Variants in ARRDC4 observed in about 807,000 individuals in gnomAD.
The protein encoded by ARRDC4 is arrestin domain-containing protein 4.
ARRDC4 carries 40 observed loss-of-function variants against 44.6 expected under a neutral mutation model. That is an observed-to-expected ratio of 0.90 (90% CI 0.70 to 1.17). The LOEUF (loss-of-function observed/expected upper bound fraction) is 1.17. Ranked by LOEUF, ARRDC4 falls within the 50% of genes most tolerant of loss-of-function variation. The pLI is 0.00. For synonymous variants in ARRDC4, 211 were observed against 221.2 expected (o/e 0.95, Z 0.41); for missense variants, 550 against 559.1 (o/e 0.98, Z 0.16).
chr15:97,962,073 A>G (rs1899333276), intron 1 of ARRDC4, among the ~76,000 whole-genome samples: 1 of 152,200 alleles, frequency 6.6e-6, no homozygotes, highest in African/African-American at 2.4e-5. Context: ...TTAAACTTTT[A>G]CGTTTTTGCC....
rs954945510 is a variant in ARRDC4 at position 97,961,146 on chromosome 15, C to G, written c.285C>G (p.Leu95=). ...AGGTGGAGTACCTGAACGTGCGCCTCAGCCTGCGGGAGCCCCCGGCCGGTA... is the reference window on the plus strand; with the variant it reads ...AGGTGGAGTACCTGAACGTGCGCCTGAGCCTGCGGGAGCCCCCGGCCGGTA... ...FSEVEYLNVR[L]SLREPPAGEG... Residue 95 remains leucine (L), a synonymous_variant, in exon 1 of 8, where the codon CTC becomes CTG. Transcript: ENST00000268042. 6.9e-7 allele frequency: 1 copy of G among 1,448,506 alleles called. No individual in the cohort carries two copies. 89.7% of individuals were successfully genotyped at this position (1,448,506 alleles called of 1,614,324 possible). A position where few individuals can be genotyped will look rare whatever the true frequency, so the allele number is the denominator to read the frequency against.
At position 97,965,672 on chromosome 15, in the gene ARRDC4, T is replaced by A; in HGVS notation, c.374+6T>A. 6.2e-7 allele frequency: 1 copy of A among 1,611,800 alleles called. No homozygotes were observed. ...CGCTTTCAACTTCCATCTGAGTAAG[T>A]GAAACACTACAATTTTGTGGTTATC... On this transcript the variant is annotated splice_donor_region_variant and intron_variant, in intron 2 of 7. Coordinates refer to ENST00000268042, the MANE Select transcript of ARRDC4 (RefSeq NM_183376.3). The surrounding 1 kb of genome is among the most constrained non-coding windows in gnomAD (Gnocchi z 5.1).
chr15:97,965,723 T>C lies in ARRDC4; in HGVS notation c.374+57T>C. 1.3e-6 allele frequency: 2 copies of C among 1,530,024 alleles called. No homozygotes were observed. The highest frequency in any genetic ancestry group is 1.8e-6 in the Non-Finnish European group (2 of 1,103,788). The allele number at this position is 1,530,024 out of a possible 1,614,324, so 94.8% of individuals were successfully genotyped here. A position where few individuals can be genotyped will look rare whatever the true frequency, so the allele number is the denominator to read the frequency against. Reference sequence around the variant, plus strand: ...CTTCTCTGCAGTATGTCCATTCAAGTTTATCACTGCTAGGTCTCTTCTGAT... The same window carrying C: ...CTTCTCTGCAGTATGTCCATTCAAGCTTATCACTGCTAGGTCTCTTCTGAT... On this transcript the variant is annotated intron_variant, in intron 2 of 7. Coordinates refer to ENST00000268042, the MANE Select transcript of ARRDC4 (RefSeq NM_183376.3). The surrounding 1 kb of genome is among the most constrained non-coding windows in gnomAD (Gnocchi z 5.1).
rs745421445 is a variant in ARRDC4, at chr15:97,970,688, CTG to C, written c.1149_1150del (p.Phe384CysfsTer18). 1.9e-6 allele frequency: 3 copies of C among 1,613,452 alleles called. No homozygotes were observed. The highest frequency in any genetic ancestry group is 2.5e-6 in the Non-Finnish European group (3 of 1,179,670). ...AACTGTGAGGGAGAAGTGTGCTGTC[CTG>C]TGTTTGCCTGTATACAAGAATTCCG... On this transcript the variant is annotated frameshift_variant, in exon 7 of 8. Coordinates refer to ENST00000268042, the MANE Select transcript of ARRDC4 (RefSeq NM_183376.3). LOFTEE classifies it high-confidence loss of function. This position sits in a 1 kb window ranked among gnomAD's most constrained non-coding sequence, Gnocchi z 4.2.
rs2141538668 is a variant in ARRDC4, at chr15:97,972,617, G to A, written c.*1430G>A. 1 of 152,620 alleles carries A rather than the reference G, an allele frequency of 6.6e-6. No individual in the cohort carries two copies. Among genetic ancestry groups the A allele is most frequent in the Middle Eastern group, 3.4e-3 (1 of 292 alleles). The allele number at this position is 152,620 out of a possible 1,614,324, so 9.5% of individuals were successfully genotyped here. A position where few individuals can be genotyped will look rare whatever the true frequency, so the allele number is the denominator to read the frequency against. ...ATGGAAGGGAGCCAGGGATTCCTGT[G>A]ATACAGATTTTGAACCAGCAGAGTA... is the stretch of plus-strand genomic sequence containing the variant. On this transcript the variant is annotated 3_prime_UTR_variant, in exon 8 of 8. Coordinates refer to ENST00000268042, the MANE Select transcript of ARRDC4 (RefSeq NM_183376.3). The surrounding 1 kb of genome is among the most constrained non-coding windows in gnomAD (Gnocchi z 5.3).
intron 1 of ARRDC4, among the ~76,000 whole-genome samples, chr15:97,964,997 T>TACACAC (rs138550311): frequency 2.5e-4 from 37 of 147,938 alleles, no homozygotes; most frequent in African/African-American, 8.9e-4. Context: ...GATTTTTACA[T>TACACAC]ACACACACAC....
In ARRDC4 at chr15:97,960,803, C is replaced by T. The variant is rs974492133; in HGVS notation, c.-59C>T. On this transcript the variant is annotated 5_prime_UTR_variant, in exon 1 of 8. Transcript: ENST00000268042. ...CCTGTGACAGCGGCGCCGCTGTGCT[C>T]GCGACCCCGGCTCCGGGCCTCTGCC... is the stretch of plus-strand genomic sequence containing the variant. 29 of 1,253,632 alleles carry T rather than the reference C, an allele frequency of 2.3e-5. No homozygotes were observed. Among genetic ancestry groups the T allele is most frequent in the South Asian group, 3.0e-5 (1 of 33,234 alleles). 77.7% of individuals were successfully genotyped at this position (1,253,632 alleles called of 1,614,324 possible). A position where few individuals can be genotyped will look rare whatever the true frequency, so the allele number is the denominator to read the frequency against.
At position 97,970,772 on chromosome 15, in the gene ARRDC4, T is replaced by C; in HGVS notation, c.1200+29T>C. The stretch of plus-strand genomic sequence containing the variant: ...AGCAAAGCAAAAGAAAATTAGACTT[T>C]TACTGTATTATTTTCAAATAATCAT... On this transcript the variant is annotated intron_variant, in intron 7 of 7. Transcript: ENST00000268042. This position sits in a 1 kb window ranked among gnomAD's most constrained non-coding sequence, Gnocchi z 4.2. The C allele has an allele frequency of 6.3e-7, 1 of 1,593,754 alleles. No individual in the cohort carries two copies. The highest frequency in any genetic ancestry group is 2.2e-5 in the East Asian group (1 of 44,624).
chr15:97,970,001 T>C lies in ARRDC4; in HGVS notation c.1001T>C (p.Met334Thr), dbSNP rs547477557. The C allele has an allele frequency of 2.5e-6, 4 of 1,613,410 alleles. No homozygotes were observed. Among genetic ancestry groups the C allele is most frequent in the South Asian group, 1.1e-5 (1 of 91,046 alleles). Residue 334 changes from methionine to threonine, a missense_variant, in exon 6 of 8, where the codon ATG becomes ACG. By Grantham distance (81) the Met-to-Thr change is moderately conservative (BLOSUM62 -1). Coordinates refer to ENST00000268042, the MANE Select transcript of ARRDC4 (RefSeq NM_183376.3). The surrounding 1 kb of genome is among the most constrained non-coding windows in gnomAD (Gnocchi z 4.2). ...TCCAGCATTGCCAGCCAGTTCAGTATGGATATGAGCTGGTTGACACTGACC... is the reference window on the plus strand; with the variant it reads ...TCCAGCATTGCCAGCCAGTTCAGTACGGATATGAGCTGGTTGACACTGACC... Reference protein sequence around the residue: ...RNSSIASQFSMDMSWLTLTLP... With the variant: ...RNSSIASQFSTDMSWLTLTLP...
chr15:97,968,605 C>CAGG lies in ARRDC4; in HGVS notation c.625+491_625+493dup, dbSNP rs1899457924. On this transcript the variant is annotated intron_variant, in intron 4 of 7. Coordinates refer to ENST00000268042, the MANE Select transcript of ARRDC4 (RefSeq NM_183376.3). This position sits in a 1 kb window ranked among gnomAD's most constrained non-coding sequence, Gnocchi z 5.4. ...CCAGCAGTGGATTTGGCCCCTGCTC[C>CAGG]AGGATTCTGACTTGTTAGAAAGGAA... Among the ~76,000 whole-genome samples the CAGG allele has an allele frequency of 6.6e-6, 1 of 152,210 alleles. No individual in the cohort carries two copies. The highest frequency in any genetic ancestry group is 2.4e-5 in the African/African-American group (1 of 41,450).
rs1899542222 is a variant in ARRDC4 at position 97,973,073 on chromosome 15, C to T, written c.*1886C>T. Reference sequence around the variant, plus strand: ...CAGGTAATGTGTATTTAAGTGTTGTCTAAACAGTTGATTTTTACTTTAGAA... The same window carrying T: ...CAGGTAATGTGTATTTAAGTGTTGTTTAAACAGTTGATTTTTACTTTAGAA... On this transcript the variant is annotated 3_prime_UTR_variant, in exon 8 of 8. Transcript: ENST00000268042. 6.6e-6 allele frequency: 1 copy of T among 152,146 alleles called. No homozygotes were observed. The highest frequency in any genetic ancestry group is 2.1e-4 in the South Asian group (1 of 4,834). The allele number at this position is 152,146 out of a possible 1,614,324, so 9.4% of individuals were successfully genotyped here.
At chr15:97,969,767 G>T in intron 5 of ARRDC4, 116 bp from the exon 6 acceptor site, 1 of 914,534 alleles carries the variant, frequency 1.1e-6, no homozygotes, top group South Asian at 1.9e-5. Flanking sequence ...GATGGGGGTG[G>T]TGGCAGCCGA....
In ARRDC4 at chr15:97,970,008, G is replaced by A. The variant is rs1315208783; in HGVS notation, c.1008G>A (p.Met336Ile). 1.2e-6 allele frequency: 2 copies of A among 1,613,002 alleles called. No individual in the cohort carries two copies. The highest frequency in any genetic ancestry group is 1.3e-5 in the African/African-American group (1 of 74,824). ...TTGCCAGCCAGTTCAGTATGGATAT[G>A]AGCTGGTTGACACTGACCCTGCCAG... ...SSIASQFSMD[M>I]SWLTLTLPEQ... The change falls in exon 6 of 8, where the codon ATG (methionine) becomes ATA (isoleucine). Residue 336 changes from methionine (M) to isoleucine (I), a missense_variant. Transcript: ENST00000268042. The surrounding 1 kb of genome is among the most constrained non-coding windows in gnomAD (Gnocchi z 4.2).
chr15:97,960,812 G>C lies in ARRDC4; in HGVS notation c.-50G>C, dbSNP rs983617245. 7.9e-7 allele frequency: 1 copy of C among 1,258,400 alleles called. No individual in the cohort carries two copies. The highest frequency in any genetic ancestry group is 1.6e-5 in the African/African-American group (1 of 64,228). 78.0% of individuals were successfully genotyped at this position (1,258,400 alleles called of 1,614,324 possible). A position where few individuals can be genotyped will look rare whatever the true frequency, so the allele number is the denominator to read the frequency against. ...GCGGCGCCGCTGTGCTCGCGACCCCGGCTCCGGGCCTCTGCCGACCTCAGG... is the reference window on the plus strand; with the variant it reads ...GCGGCGCCGCTGTGCTCGCGACCCCCGCTCCGGGCCTCTGCCGACCTCAGG... On this transcript the variant is annotated 5_prime_UTR_variant, in exon 1 of 8. Coordinates refer to ENST00000268042, the MANE Select transcript of ARRDC4 (RefSeq NM_183376.3).
rs567807605 is a variant in ARRDC4, at chr15:97,970,504, T to G, written c.1046-85T>G. On this transcript the variant is annotated intron_variant, in intron 6 of 7. Transcript: ENST00000268042. This position sits in a 1 kb window ranked among gnomAD's most constrained non-coding sequence, Gnocchi z 4.2. ...ATGCCATATTTTTTATCTTCAAGTT[T>G]AGCTGTTTCTTGTTTTTGTAGCAGT... 9 of 1,377,364 alleles carry G rather than the reference T, an allele frequency of 6.5e-6. No homozygotes were observed. In the South Asian group the frequency reaches 1.2e-4, roughly 19 times the overall value. 85.3% of individuals were successfully genotyped at this position (1,377,364 alleles called of 1,614,324 possible).
Position 97,970,497 on chromosome 15 carries a change from TC to T in ARRDC4, c.1046-91del. The stretch of plus-strand genomic sequence containing the variant: ...GGAAAGAATGCCATATTTTTTATCT[TC>T]AAGTTTAGCTGTTTCTTGTTTTTGT... On this transcript the variant is annotated intron_variant, in intron 6 of 7. Transcript: ENST00000268042. The surrounding 1 kb of genome is among the most constrained non-coding windows in gnomAD (Gnocchi z 4.2). 7.5e-7 allele frequency: 1 copy of T among 1,336,180 alleles called. No homozygotes were observed. Among genetic ancestry groups the T allele is most frequent in the African/African-American group, 1.5e-5 (1 of 68,344 alleles). The allele number at this position is 1,336,180 out of a possible 1,614,324, so 82.8% of individuals were successfully genotyped here.
At chr15:97,969,069 G>A in intron 4 of ARRDC4, 54 bp from the exon 5 acceptor site, 1 of 1,581,970 alleles carries the variant, frequency 6.3e-7, no homozygotes, top group Non-Finnish European at 8.6e-7. Flanking sequence ...ATCCATTGTG[G>A]TGAGAACTTT....
Position 97,970,719 on chromosome 15 carries a change from TC to T in ARRDC4, c.1177del (p.Gln393AsnfsTer16). The T allele has an allele frequency of 1.6e-5, 26 of 1,613,382 alleles. No homozygotes were observed. Among genetic ancestry groups the T allele is most frequent in the Non-Finnish European group, 2.2e-5 (26 of 1,179,538 alleles). On this transcript the variant is annotated frameshift_variant, in exon 7 of 8. Transcript: ENST00000268042. LOFTEE classifies it high-confidence loss of function. This position sits in a 1 kb window ranked among gnomAD's most constrained non-coding sequence, Gnocchi z 4.2. ...TTGCCTGTATACAAGAATTCCGGTT[TC>T]AACCCCCACCTCTTTATTCAGAGGT... ...VFACIQEFRF[Q>X]PPPLYSEVDP...
rs1459578921 is a variant in ARRDC4 at position 97,972,027 on chromosome 15, G to C, written c.*840G>C. 4 of 152,534 alleles carry C rather than the reference G, an allele frequency of 2.6e-5. No homozygotes were observed. The highest frequency in any genetic ancestry group is 7.2e-5 in the African/African-American group (3 of 41,416). The allele number at this position is 152,534 out of a possible 1,614,324, so 9.4% of individuals were successfully genotyped here. On this transcript the variant is annotated 3_prime_UTR_variant, in exon 8 of 8. Transcript: ENST00000268042. This position sits in a 1 kb window ranked among gnomAD's most constrained non-coding sequence, Gnocchi z 5.3. ...GGGAGAGAAAAGGTTGCATCTGCAG[G>C]ATGCCTTGATAACTACACAGTCCCA...
Sources: gnomAD v4.1 joint callset for allele counts (sites outside exome capture counted in the v4.1 genomes callset) on GRCh38, gnomAD v4.1.1 for gene constraint, Gnocchi (gnomAD v3.1) non-coding constraint, MANE v1.5 for transcripts, NCBI Gene and HGNC (gene_info 2026-07-23, HGNC 2026-07-21) for gene names.